ANGPTL2: variants seen among roughly 807,000 people sequenced by gnomAD.
ANGPTL2 encodes angiopoietin-related protein 2.
Under a neutral mutation model 52.8 loss-of-function variants are expected in ANGPTL2, and 25 were observed. That is an observed-to-expected ratio of 0.47 (90% CI 0.35 to 0.66). The LOEUF (loss-of-function observed/expected upper bound fraction) is 0.66. Ranked by LOEUF, ANGPTL2 falls within the 30% of genes least tolerant of loss-of-function variation. The pLI is 0.01. For synonymous variants in ANGPTL2, 276 were observed against 277.4 expected (o/e 1.00, Z 0.05); for missense variants, 546 against 656.9 (o/e 0.83, Z 1.84).
At chr9:127,094,244 A>G (rs2052844976) in intron 2 of ANGPTL2, among the ~76,000 whole-genome samples, 1 of 152,094 alleles carries the variant, frequency 6.6e-6, no homozygotes, top group Non-Finnish European at 1.5e-5. Context: ...GATTTCCCTC[A>G]TATAGTGTTG....
At chr9:127,114,443 A>G (rs2055186629) in intron 1 of ANGPTL2, among the ~76,000 whole-genome samples, 1 of 152,242 alleles carries the variant, frequency 6.6e-6, no homozygotes, top group Admixed American at 6.5e-5. Flanking sequence ...CCAAAGTGCC[A>G]AAGTGACTGG....
chr9:127,112,376 C>T (rs750594607), intron 1 of ANGPTL2, among the ~76,000 whole-genome samples: 24 of 152,234 alleles, frequency 1.6e-4, no homozygotes, highest in Non-Finnish European at 2.2e-4. Flanking sequence ...GCTGGGCCAA[C>T]GCCTTCTTCA....
At chr9:127,117,220 A>T (rs151125475) in intron 1 of ANGPTL2, among the ~76,000 whole-genome samples, 1 of 152,170 alleles carries the variant, frequency 6.6e-6, no homozygotes, top group Non-Finnish European at 1.5e-5. Context: ...TCCCTCCTTC[A>T]GCTCACAAGT....
In ANGPTL2 at chr9:127,108,478, T is replaced by G. The variant is rs377330474; in HGVS notation, c.254A>C (p.His85Pro). The change falls in exon 2 of 5, where the codon CAT becomes CCT. Residue 85 changes from histidine (H) to proline (P), a missense_variant. Transcript: ENST00000373425. The stretch of plus-strand genomic sequence containing the variant: ...GTTGAGCAGCTCTAGCTCCTGCTTA[T>G]GCACTCGGTTCTCCAGAAGCACCTC... ...EPEVLLENRV[H>P]KQELELLNNE... is the part of the protein sequence containing the mutation. 6.2e-6 allele frequency: 10 copies of G among 1,612,640 alleles called. No individual in the cohort carries two copies. The highest frequency in any genetic ancestry group is 8.5e-6 in the Non-Finnish European group (10 of 1,179,628).
chr9:127,090,586 C>A (rs1019895382), intron 4 of ANGPTL2, among the ~76,000 whole-genome samples: 2 of 152,224 alleles, frequency 1.3e-5, no homozygotes, highest in African/African-American at 4.8e-5. Flanking sequence ...ATGAGGATCC[C>A]CTCCACCTTA....
intron 1 of ANGPTL2, among the ~76,000 whole-genome samples, chr9:127,121,876 G>A (rs1487198150): frequency 6.6e-6 from 1 of 152,180 alleles, no homozygotes; most frequent in Non-Finnish European, 1.5e-5. Flanking sequence ...GCCTCACATT[G>A]TCCCGGCCTG....
intron 2 of ANGPTL2, among the ~76,000 whole-genome samples, chr9:127,100,771 G>T (rs1184187306): frequency 2.6e-5 from 4 of 152,228 alleles, no homozygotes; most frequent in Non-Finnish European, 5.9e-5. Flanking sequence ...ACAGGTAGCA[G>T]TCCCATAGTT....
intron 1 of ANGPTL2, among the ~76,000 whole-genome samples, chr9:127,119,325 G>C (rs1237877027): frequency 6.6e-6 from 1 of 152,200 alleles, no homozygotes; most frequent in African/African-American, 2.4e-5. Flanking sequence ...TTTCAGAGGG[G>C]TTGGTGCAGC....
rs538086403 is a variant in ANGPTL2, at chr9:127,091,523, CAG to C, written c.1282+145_1282+146del. On this transcript the variant is annotated intron_variant, in intron 4 of 4. Coordinates refer to ENST00000373425, the MANE Select transcript of ANGPTL2 (RefSeq NM_012098.3). The surrounding 1 kb of genome is among the most constrained non-coding windows in gnomAD (Gnocchi z 4.3). ...ACCTGTGGGCAGGAGAAGGGACCCT[CAG>C]GGGGTGGTAACAGGGTCAGGCAGCT... is the stretch of plus-strand genomic sequence containing the variant. 1,852 of 1,111,812 alleles carry C rather than the reference CAG, an allele frequency of 1.7e-3. 4 individuals are homozygous for C. The highest frequency in any genetic ancestry group is 2.8e-3 in the South Asian group (187 of 66,030). 68.9% of individuals were successfully genotyped at this position (1,111,812 alleles called of 1,614,324 possible). A position where few individuals can be genotyped will look rare whatever the true frequency, so the allele number is the denominator to read the frequency against.
rs1358008513 is a variant in ANGPTL2, at chr9:127,087,947, G to A, written c.*992C>T. On this transcript the variant is annotated 3_prime_UTR_variant, in exon 5 of 5. Transcript: ENST00000373425. ...ATGAATGGAAGATACAAAACTGCGAGTACATTATCTATACGGCCGGTGGAG... is the reference window on the plus strand; with the variant it reads ...ATGAATGGAAGATACAAAACTGCGAATACATTATCTATACGGCCGGTGGAG... 6.6e-6 allele frequency: 1 copy of A among 152,630 alleles called. No homozygotes were observed. Among genetic ancestry groups the A allele is most frequent in the African/African-American group, 2.4e-5 (1 of 41,452 alleles). 9.5% of individuals were successfully genotyped at this position (152,630 alleles called of 1,614,324 possible). A position where few individuals can be genotyped will look rare whatever the true frequency, so the allele number is the denominator to read the frequency against.
At chr9:127,099,069 G>T (rs539955172) in intron 2 of ANGPTL2, among the ~76,000 whole-genome samples, 3 of 152,192 alleles carry the variant, frequency 2.0e-5, no homozygotes, top group Admixed American at 1.3e-4. Context: ...CCTGAGGTGT[G>T]GGGGGAGGAG....
rs2054392576 is a variant in ANGPTL2 at position 127,108,031 on chromosome 9, A to G, written c.701T>C (p.Ile234Thr). The G allele has an allele frequency of 1.1e-5, 17 of 1,514,480 alleles. No individual in the cohort carries two copies. The highest frequency in any genetic ancestry group is 3.6e-5 in the Admixed American group (2 of 56,338). The allele number at this position is 1,514,480 out of a possible 1,614,324, so 93.8% of individuals were successfully genotyped here. A position where few individuals can be genotyped will look rare whatever the true frequency, so the allele number is the denominator to read the frequency against. ...VYQPPTYNRI[I>T]NQISTNEIQS... The stretch of plus-strand genomic sequence containing the variant: ...GATCTCGTTGGTAGAGATCTGGTTG[A>G]TGATGCGGTTGTAGGTGGGTGGTTG... Residue 234 changes from isoleucine (I) to threonine (T), a missense_variant, in exon 2 of 5, where the codon ATC (isoleucine) becomes ACC (threonine). This residue lies in a region of ANGPTL2 where 261 missense variants were observed against 361.0 expected (regional missense o/e 0.72). Transcript: ENST00000373425.
chr9:127,119,784 G>A (rs1358048968), intron 1 of ANGPTL2, among the ~76,000 whole-genome samples: 1 of 152,186 alleles, frequency 6.6e-6, no homozygotes, highest in Non-Finnish European at 1.5e-5. Flanking sequence ...CACCCAGACT[G>A]CCTCATTAGT....
At chr9:127,093,205 G>C (rs1406806385) in intron 3 of ANGPTL2, among the ~76,000 whole-genome samples, 1 of 152,150 alleles carries the variant, frequency 6.6e-6, no homozygotes, top group African/African-American at 2.4e-5. Context: ...AACTTTCCCT[G>C]CTACACAGAT....
chr9:127,115,644 A>G (rs926306442), intron 1 of ANGPTL2, among the ~76,000 whole-genome samples: 1 of 152,240 alleles, frequency 6.6e-6, no homozygotes, highest in Admixed American at 6.5e-5. Flanking sequence ...TGTCTCTTCA[A>G]CCAGTATGAA....
At position 127,107,978 on chromosome 9, in the gene ANGPTL2, G is replaced by A. The variant is rs1194988288; in HGVS notation, c.754C>T (p.Pro252Ser). ...GTGGGCATAGTGGGCAGAGGGGGTG[G>A]CAGCACCTTCAGGTTCTGGTCACTC... ...IQSDQNLKVL[P>S]PPLPTMPTLT... The change falls in exon 2 of 5, where the codon CCA becomes TCA. Residue 252 changes from proline to serine, a missense_variant. By Grantham distance (74) the Pro-to-Ser change is moderately conservative. Transcript: ENST00000373425. 1.3e-6 allele frequency: 2 copies of A among 1,576,718 alleles called. No homozygotes were observed. The highest frequency in any genetic ancestry group is 2.7e-5 in the African/African-American group (2 of 74,404).
chr9:127,093,740 G>A lies in ANGPTL2; in HGVS notation c.1004C>T (p.Thr335Met), dbSNP rs758576523. 8.6e-5 allele frequency: 139 copies of A among 1,613,974 alleles called. 1 individual carries two copies. The South Asian group carries it at 1.2e-3, about 14-fold the overall frequency. Residue 335 changes from threonine to methionine, a missense_variant, in exon 3 of 5, where the codon ACG (threonine) becomes ATG (methionine). Thr to Met is a moderately conservative substitution (Grantham distance 81). Coordinates refer to ENST00000373425, the MANE Select transcript of ANGPTL2 (RefSeq NM_012098.3). ...GSVNFFRNWETYKQGFGNIDG... is the reference protein window; with the variant it reads ...GSVNFFRNWEMYKQGFGNIDG... ...TCCCCTGCCGAGTCTCACCTTGTAC[G>A]TCTCCCAGTTCCTGAAGAAGTTAAC... is the stretch of plus-strand genomic sequence containing the variant.
chr9:127,097,788 GA>G (rs2053297806), intron 2 of ANGPTL2, among the ~76,000 whole-genome samples: 2 of 152,250 alleles, frequency 1.3e-5, no homozygotes, highest in African/African-American at 4.8e-5. Flanking sequence ...CCTGGCTGAG[GA>G]AGCGAGGGCT....
intron 2 of ANGPTL2, among the ~76,000 whole-genome samples, chr9:127,102,405 C>A (rs1441176847): frequency 1.3e-5 from 2 of 152,096 alleles, no homozygotes; most frequent in Non-Finnish European, 2.9e-5. Flanking sequence ...TTCACCACAA[C>A]AATCCATTTG....
Sources: allele counts gnomAD v4.1 joint callset (sites outside exome capture counted in the v4.1 genomes callset), GRCh38; gene constraint gnomAD v4.1.1; regional missense constraint gnomAD v4.1.1; non-coding constraint Gnocchi (gnomAD v3.1); transcripts MANE v1.5; gene names NCBI Gene and HGNC (gene_info 2026-07-23, HGNC 2026-07-21).